TRPM1: variants seen among roughly 807,000 people sequenced by gnomAD.
TRPM1 encodes transient receptor potential cation channel subfamily M member 1, also known as TRPM1-203 APA Isoform, Intron 10.
In TRPM1, 113 loss-of-function variants were observed where a neutral mutation model predicts 149.4. The ratio of observed to expected loss-of-function variants is 0.76; its 90% CI spans 0.65 to 0.88. TRPM1 has a LOEUF of 0.88. Ranked by LOEUF, TRPM1 falls within the 40% of genes least tolerant of loss-of-function variation. The pLI, the probability that TRPM1 is intolerant of heterozygous loss-of-function variation, is 0.00. For missense variants in TRPM1, 1,976 were observed against 2,038.7 expected, an observed-to-expected ratio of 0.97 and a Z score of 0.59; for synonymous variants, 741 against 759.5, an observed-to-expected ratio of 0.98 and a Z score of 0.40.
chr15:31,108,552 G>A (rs536276310), intron 1 of TRPM1, among the ~76,000 whole-genome samples: 6 of 152,192 alleles, frequency 3.9e-5, no homozygotes, highest in South Asian at 2.1e-4. Flanking sequence ...GGAGTGCAAC[G>A]GCACGATCTC....
chr15:31,105,472 T>TGTGTGC (rs1555429788), upstream of TRPM1, among the ~76,000 whole-genome samples: 15 of 83,818 alleles, frequency 1.8e-4, no homozygotes, highest in African/African-American at 2.9e-4. Context: ...TGTGTGTGTG[T>TGTGTGC]GCGCGCGCGC....
intron 1 of TRPM1, among the ~76,000 whole-genome samples, chr15:31,139,005 T>C (rs1215622398): frequency 1.3e-5 from 2 of 152,146 alleles, no homozygotes; most frequent in African/African-American, 2.4e-5. Flanking sequence ...TATGACCTTT[T>C]TTGTCTTGGC....
At chr15:31,031,251 C>T (rs1044550851) in intron 22 of TRPM1, 94 bp from the exon 23 acceptor site, 25 of 1,375,422 alleles carry the variant, frequency 1.8e-5, no homozygotes, top group African/African-American at 1.0e-4. Flanking sequence ...AAGCACTTCA[C>T]GAGTGCTTAA....
upstream of TRPM1, among the ~76,000 whole-genome samples, chr15:31,102,097 T>A (rs1004069506): frequency 6.6e-6 from 1 of 152,234 alleles, no homozygotes; most frequent in Admixed American, 6.5e-5. Context: ...CCCGGGGAGC[T>A]GGGAGAAGGC....
chr15:31,090,513 T>G (rs1315385466), intron 1 of TRPM1, among the ~76,000 whole-genome samples: 1 of 152,116 alleles, frequency 6.6e-6, no homozygotes, highest in Admixed American at 6.6e-5. Flanking sequence ...GGTGGGCACC[T>G]GTAATCCCAG....
At chr15:31,029,870 C>G (rs772300711) in intron 23 of TRPM1, among the ~76,000 whole-genome samples, 1 of 151,956 alleles carries the variant, frequency 6.6e-6, no homozygotes, top group Non-Finnish European at 1.5e-5. Context: ...TCTTTACCTT[C>G]TCTCATAACC....
At chr15:31,132,175 T>A (rs1320979527) in intron 1 of TRPM1, among the ~76,000 whole-genome samples, 2 of 152,196 alleles carry the variant, frequency 1.3e-5, no homozygotes, top group African/African-American at 4.8e-5. Context: ...GGCAGCCGGG[T>A]TGACCCCAAG....
intron 27 of TRPM1, among the ~76,000 whole-genome samples, chr15:31,025,775 C>T (rs1191485071): frequency 1.3e-5 from 2 of 152,214 alleles, no homozygotes; most frequent in Admixed American, 6.5e-5. Flanking sequence ...GGGCAGTCCC[C>T]TGGGGAGGAC....
upstream of TRPM1, among the ~76,000 whole-genome samples, chr15:31,104,388 T>C (rs1435373342): frequency 2.0e-5 from 3 of 152,180 alleles, no homozygotes; most frequent in African/African-American, 7.2e-5. Flanking sequence ...TTGTTTCTCA[T>C]GCTCCTTTGT....
chr15:31,080,562 G>A (rs185749169), intron 2 of TRPM1, among the ~76,000 whole-genome samples: 4 of 152,062 alleles, frequency 2.6e-5, no homozygotes, highest in African/African-American at 4.8e-5. Context: ...AAGAACTGAG[G>A]GAAGATTCCA....
In TRPM1 at chr15:31,047,846, T is replaced by TG. The variant is rs1299017103; in HGVS notation, c.1623+42dup. 23 of 1,521,100 alleles carry TG rather than the reference T, an allele frequency of 1.5e-5. No homozygotes were observed. The Admixed American group carries it at 3.8e-4, about 25-fold the overall frequency. 94.2% of individuals were successfully genotyped at this position (1,521,100 alleles called of 1,614,324 possible). On this transcript the variant is annotated intron_variant, in intron 14 of 27. Coordinates refer to ENST00000256552, the MANE Select transcript of TRPM1 (RefSeq NM_001252024.2). ...AACTTGCTCTTAAGAAATGATTTTG[T>TG]GAAAGATGCCAACAGGTAAGAATTG...
intron 1 of TRPM1, among the ~76,000 whole-genome samples, chr15:31,136,459 T>G (rs1403127984): frequency 6.6e-6 from 1 of 152,236 alleles, no homozygotes; most frequent in African/African-American, 2.4e-5. Context: ...GAATGCCATG[T>G]GTGGTAAATC....
rs1277885369 is a variant in TRPM1, at chr15:31,040,274, GAGTTTCAT to G, written c.2152_2159del (p.Met718ProfsTer72). ...TCCAGTTTTTCAGCTCGTAGGTCAG[GAGTTTCAT>G]AGCGATCTGCTCGTCATGCTTATAG... On this transcript the variant is annotated frameshift_variant, in exon 18 of 28. Transcript: ENST00000256552. LOFTEE classifies it high-confidence loss of function. The surrounding 1 kb of genome is among the most constrained non-coding windows in gnomAD (Gnocchi z 4.2). 2.3e-5 allele frequency: 37 copies of G among 1,614,100 alleles called. No homozygotes were observed. The highest frequency in any genetic ancestry group is 3.0e-5 in the Non-Finnish European group (35 of 1,180,050).
intron 27 of TRPM1, among the ~76,000 whole-genome samples, chr15:31,011,057 T>C (rs1047263320): frequency 6.6e-6 from 1 of 152,356 alleles, no homozygotes; most frequent in Non-Finnish European, 1.5e-5. Context: ...TAACAATATT[T>C]GTCTTAGAGT....
intron 1 of TRPM1, among the ~76,000 whole-genome samples, chr15:31,088,364 T>G (rs1198562441): frequency 6.6e-6 from 1 of 152,186 alleles, no homozygotes; most frequent in Non-Finnish European, 1.5e-5. Flanking sequence ...TTCTTTTTGT[T>G]CTTTCTCCCT....
At position 31,028,317 on chromosome 15, in the gene TRPM1, G is replaced by A. The variant is rs756831647; in HGVS notation, c.3293+15C>T. Reference sequence around the variant, plus strand: ...AATAAATAATAAGCATGTGGTCATCGGCTGTGACACGTACTTGAACACAGC... The same window carrying A: ...AATAAATAATAAGCATGTGGTCATCAGCTGTGACACGTACTTGAACACAGC... On this transcript the variant is annotated intron_variant, in intron 25 of 27. Transcript: ENST00000256552. 7.4e-6 allele frequency: 12 copies of A among 1,613,886 alleles called. No individual in the cohort carries two copies. The highest frequency in any genetic ancestry group is 5.5e-5 in the South Asian group (5 of 91,060).
chr15:31,129,668 G>A (rs759604874), intron 1 of TRPM1, among the ~76,000 whole-genome samples: 2 of 152,204 alleles, frequency 1.3e-5, no homozygotes, highest in African/African-American at 2.4e-5. Context: ...TGTGTATTAC[G>A]GAGAATCCTG....
Position 31,031,011 on chromosome 15 carries a change from A to G in TRPM1, c.3099T>C (p.Tyr1033=). 2 of 1,614,210 alleles carry G rather than the reference A, an allele frequency of 1.2e-6. No homozygotes were observed. The highest frequency in any genetic ancestry group is 2.2e-5 in the East Asian group (1 of 44,892). ...CTATCTGGTCTGCAAACACCTCTCC[A>G]TAGATCATCCAGTAGGGCATGTAGA... ...NIFYMPYWMI[Y]GEVFADQIDL... is the part of the protein sequence containing the mutation. The change falls in exon 23 of 28, where the codon TAT becomes TAC. Residue 1033 remains tyrosine (Y), a synonymous_variant. Coordinates refer to ENST00000256552, the MANE Select transcript of TRPM1 (RefSeq NM_001252024.2).
chr15:31,032,400 C>T (rs975830158), intron 22 of TRPM1, among the ~76,000 whole-genome samples: 4 of 151,686 alleles, frequency 2.6e-5, no homozygotes, highest in African/African-American at 7.3e-5. Context: ...TACATGTGTA[C>T]GTGTGTATGT....
Sources: allele counts gnomAD v4.1 joint callset (sites outside exome capture counted in the v4.1 genomes callset), GRCh38; gene constraint gnomAD v4.1.1; non-coding constraint Gnocchi (gnomAD v3.1); transcripts MANE v1.5; gene names NCBI Gene and HGNC (gene_info 2026-07-23, HGNC 2026-07-21).